NOTCH2: variants seen among roughly 807,000 people sequenced by gnomAD.
The protein encoded by NOTCH2 is neurogenic locus notch homolog protein 2.
NOTCH2 carries 29 observed loss-of-function variants against 235.8 expected under a neutral mutation model. The ratio of observed to expected loss-of-function variants is 0.12; its 90% CI spans 0.09 to 0.17. The LOEUF is 0.17. Among genes scored for constraint, NOTCH2 ranks in the 10% least tolerant of loss-of-function variants. The pLI is 1.00. For missense variants in NOTCH2, 2,285 were observed against 3,150.2 expected, an observed-to-expected ratio of 0.73 and a Z score of 6.57; for synonymous variants, 1,086 against 1,141.5, an observed-to-expected ratio of 0.95 and a Z score of 0.98.
intron 29 of NOTCH2, 56 bp downstream of exon 29, chr1:119,921,656 AT>A (rs1649287559): frequency 6.9e-7 from 1 of 1,456,704 alleles, no homozygotes. Flanking sequence ...AAGGACAGAA[AT>A]TTGAAATGTA....
intron 2 of NOTCH2, among the ~76,000 whole-genome samples, chr1:120,024,872 T>C (rs1390801661): frequency 2.0e-5 from 3 of 150,746 alleles, no homozygotes; most frequent in Non-Finnish European, 4.5e-5. Flanking sequence ...GTAACTTATA[T>C]CAGACTAGCC....
chr1:119,915,852 T>A lies in NOTCH2; in HGVS notation c.6870A>T (p.Glu2290Asp). ...CCCGAGGGGTGGTTATGTGCTTCCC[T>A]TCAGGTGGCCTGCTCTGGGGAGCTA... is the stretch of plus-strand genomic sequence containing the variant. ...PGIAPQSRPP[E>D]GKHITTPREP... The change falls in exon 34 of 34, where the codon GAA becomes GAT. Residue 2290 changes from glutamate (E) to aspartate (D), a missense_variant. This residue lies in a region of NOTCH2 where 504 missense variants were observed against 538.0 expected (regional missense o/e 0.94). Transcript: ENST00000256646. The A allele has an allele frequency of 6.2e-7, 1 of 1,614,172 alleles. No individual in the cohort carries two copies. The highest frequency in any genetic ancestry group is 8.5e-7 in the Non-Finnish European group (1 of 1,180,016).
At chr1:119,925,231 T>C in intron 25 of NOTCH2, 74 bp downstream of exon 25, 2 of 1,591,346 alleles carry the variant, frequency 1.3e-6, no homozygotes, top group Non-Finnish European at 1.7e-6. Flanking sequence ...ACTGGAGTGG[T>C]TAGGAGCAAG....
chr1:119,982,804 T>G (rs967468667), intron 5 of NOTCH2, among the ~76,000 whole-genome samples: 23 of 152,236 alleles, frequency 1.5e-4, no homozygotes, highest in Non-Finnish European at 2.9e-4. Flanking sequence ...AGTGGTAGTT[T>G]TTGAAGGCAC....
At chr1:119,958,832 T>C (rs1650816046) in intron 12 of NOTCH2, among the ~76,000 whole-genome samples, 2 of 152,124 alleles carry the variant, frequency 1.3e-5, no homozygotes, top group South Asian at 4.1e-4. Flanking sequence ...TCAAAATTCT[T>C]CTAGCCATTT....
chr1:120,041,893 AAG>A (rs1206332836), intron 1 of NOTCH2, among the ~76,000 whole-genome samples: 12 of 141,412 alleles, frequency 8.5e-5, no homozygotes, highest in East Asian at 2.0e-4. Flanking sequence ...AAAAAAAGAA[AAG>A]AGAGAGAGGA....
chr1:119,960,502 G>A (rs782378621), intron 11 of NOTCH2, among the ~76,000 whole-genome samples: 2 of 150,126 alleles, frequency 1.3e-5, no homozygotes, highest in Non-Finnish European at 3.0e-5. Context: ...TACAAATAAT[G>A]GTAACAATAT....
intron 17 of NOTCH2, among the ~76,000 whole-genome samples, chr1:119,945,536 C>A (rs1553196946): frequency 6.6e-6 from 1 of 151,990 alleles, no homozygotes. Flanking sequence ...TAAAAACACA[C>A]TCTAATAATA....
rs751003534 is a variant in NOTCH2, at chr1:119,925,392, T to C, written c.4424A>G (p.Tyr1475Cys). 1 of 1,614,176 alleles carries C rather than the reference T, an allele frequency of 6.2e-7. No individual in the cohort carries two copies. Among genetic ancestry groups the C allele is most frequent in the Non-Finnish European group, 8.5e-7 (1 of 1,180,028 alleles). ...CAGCTCATCACACTGGTTGTTGATATAATCCCAGCAGGGAAGTGGGGAGGA... is the reference window on the plus strand; with the variant it reads ...CAGCTCATCACACTGGTTGTTGATACAATCCCAGCAGGGAAGTGGGGAGGA... ...NCSSPLPCWD[Y>C]INNQCDELCN... is the part of the protein sequence containing the mutation. The change falls in exon 25 of 34, where the codon TAT becomes TGT. Residue 1475 changes from tyrosine to cysteine, a missense_variant. Transcript: ENST00000256646.
At chr1:120,067,335 G>A (rs1570802193) in intron 1 of NOTCH2, among the ~76,000 whole-genome samples, 3 of 150,270 alleles carry the variant, frequency 2.0e-5, no homozygotes, top group African/African-American at 7.4e-5. Context: ...GAGTCAACTT[G>A]ACTAACACTC....
At chr1:119,922,159 C>T in intron 28 of NOTCH2, 77 bp downstream of exon 28, 1 of 1,476,540 alleles carries the variant, frequency 6.8e-7, no homozygotes, top group Non-Finnish European at 9.4e-7. Flanking sequence ...AATTTAAAAT[C>T]ATGATTCAAC....
In NOTCH2 at chr1:119,913,427, T is replaced by C. The variant is rs938431039; in HGVS notation, c.*1879A>G. On this transcript the variant is annotated 3_prime_UTR_variant, in exon 34 of 34. Coordinates refer to ENST00000256646, the MANE Select transcript of NOTCH2 (RefSeq NM_024408.4). ...GCCATAGAAGGAATGAGAACTGTCA[T>C]TCAAACCAAAAGAGTCGGGAATTCA... is the stretch of plus-strand genomic sequence containing the variant. 110 of 233,102 alleles carry C rather than the reference T, an allele frequency of 4.7e-4. No homozygotes were observed. The highest frequency in any genetic ancestry group is 5.1e-5 in the Non-Finnish European group (6 of 118,066). The allele number at this position is 233,102 out of a possible 1,614,324, so 14.4% of individuals were successfully genotyped here.
chr1:119,916,547 C>T lies in NOTCH2; in HGVS notation c.6175G>A (p.Val2059Met). The T allele has an allele frequency of 6.2e-7, 1 of 1,613,920 alleles. No individual in the cohort carries two copies. The highest frequency in any genetic ancestry group is 2.2e-5 in the East Asian group (1 of 44,870). The stretch of plus-strand genomic sequence containing the variant: ...ACATTGTATTCATCCAGAAGGCGCA[C>T]AATGTCATGGTGCATGCGATCCCGA... ...VARDRMHHDI[V>M]RLLDEYNVTP... Residue 2059 changes from valine (V) to methionine (M), a missense_variant, in exon 34 of 34, where the codon GTG becomes ATG. By Grantham distance (21) the Val-to-Met change is conservative. Coordinates refer to ENST00000256646, the MANE Select transcript of NOTCH2 (RefSeq NM_024408.4).
chr1:119,963,170 G>GGGAA (rs1651004744), intron 11 of NOTCH2, among the ~76,000 whole-genome samples: 1 of 135,234 alleles, frequency 7.4e-6, no homozygotes, highest in Admixed American at 7.9e-5. Context: ...AAGGGAAGAA[G>GGGAA]GAAGGTAGGT....
intron 6 of NOTCH2, among the ~76,000 whole-genome samples, chr1:119,968,858 G>A (rs782488125): frequency 6.6e-6 from 1 of 152,214 alleles, no homozygotes; most frequent in Non-Finnish European, 1.5e-5. Context: ...GGTAACTAAA[G>A]CTTCTTCCAC....
intron 1 of NOTCH2, among the ~76,000 whole-genome samples, chr1:120,036,895 C>T (rs59637315): frequency 8.1e-4 from 123 of 152,304 alleles, no homozygotes; most frequent in African/African-American, 2.8e-3. Flanking sequence ...TTTTCCAATG[C>T]TTTTCACTAT....
At chr1:119,950,205 A>G in intron 15 of NOTCH2, 1 of 335,350 alleles carries the variant, frequency 3.0e-6, no homozygotes, top group Admixed American at 4.2e-5. Flanking sequence ...CTACAGGTAA[A>G]TCCTAGATGT....
intron 24 of NOTCH2, 93 bp from the exon 25 acceptor site, chr1:119,925,903 C>A (rs1649457796): frequency 7.1e-7 from 1 of 1,415,480 alleles, no homozygotes. Flanking sequence ...ACATCTCACT[C>A]CCTTCTGTAC....
intron 27 of NOTCH2, 34 bp downstream of exon 27, chr1:119,922,602 C>G (rs746243253): frequency 6.2e-7 from 1 of 1,613,324 alleles, no homozygotes. Flanking sequence ...ACTCTTCCCC[C>G]GCCACCTTTC....
Sources: allele counts gnomAD v4.1 joint callset (sites outside exome capture counted in the v4.1 genomes callset), GRCh38; gene constraint gnomAD v4.1.1; regional missense constraint gnomAD v4.1.1; transcripts MANE v1.5; gene names NCBI Gene and HGNC (gene_info 2026-07-23, HGNC 2026-07-21).